The following SDK1 variants were observed in gnomAD, a reference collection of about 807,000 sequenced individuals.
The protein encoded by SDK1 is sidekick cell adhesion molecule 1.
Under a neutral mutation model 245.5 loss-of-function variants are expected in SDK1, and 157 were observed. The observed-to-expected ratio is 0.64, with a 90% CI of 0.56 to 0.73. The LOEUF is 0.73. SDK1 is among the 30% of genes least tolerant of loss of function. The pLI, the probability that SDK1 is intolerant of heterozygous loss-of-function variation, is 0.00. For synonymous variants in SDK1, 1,647 were observed against 1,278.5 expected, an observed-to-expected ratio of 1.29 and a Z score of -6.15; for missense variants, 3,583 against 3,002.3, an observed-to-expected ratio of 1.19 and a Z score of -4.52.
At chr7:3,748,148 A>C (rs955362203) in intron 4 of SDK1, among the ~76,000 whole-genome samples, 2 of 152,180 alleles carry the variant, frequency 1.3e-5, no homozygotes, top group South Asian at 4.1e-4. Flanking sequence ...TATAATATTA[A>C]ACGTTGAAAG....
intron 5 of SDK1, among the ~76,000 whole-genome samples, chr7:3,853,393 G>T (rs886638157): frequency 1.3e-5 from 2 of 151,960 alleles, no homozygotes; most frequent in African/African-American, 4.8e-5. Context: ...TCTGGCCTGT[G>T]TTTTAAAATT....
At chr7:3,604,921 C>A (rs1781373703) in intron 1 of SDK1, among the ~76,000 whole-genome samples, 1 of 151,932 alleles carries the variant, frequency 6.6e-6, no homozygotes, top group Non-Finnish European at 1.5e-5. Context: ...TTTTCTCTGA[C>A]TTGTTTATTT....
intron 4 of SDK1, among the ~76,000 whole-genome samples, chr7:3,679,549 A>G (rs1055042950): frequency 2.0e-5 from 3 of 152,126 alleles, no homozygotes; most frequent in African/African-American, 7.2e-5. Flanking sequence ...CCTGGGCGAC[A>G]GAGCGAGACT....
rs11976644 is a variant in SDK1 at position 3,548,582 on chromosome 7, T to A, written c.299-70498T>A. On this transcript the variant is annotated intron_variant, in intron 1 of 44. Transcript: ENST00000404826. ...TAAGTGGATACATGATTATTTTCTT[T>A]TTAACACATTCCTGGAAATGAAATA... Among the ~76,000 whole-genome samples, 980 of 152,348 alleles carry A rather than the reference T, an allele frequency of 6.4e-3. 11 individuals are homozygous for A. The highest frequency in any genetic ancestry group is 0.022 in the African/African-American group (925 of 41,588).
At chr7:3,780,878 G>C (rs1780711268) in intron 4 of SDK1, among the ~76,000 whole-genome samples, 1 of 152,230 alleles carries the variant, frequency 6.6e-6, no homozygotes, top group East Asian at 1.9e-4. Context: ...CAGCTCCACA[G>C]ATTTCAGAGA....
chr7:3,945,399 A>G (rs558461115), intron 5 of SDK1, among the ~76,000 whole-genome samples: 1 of 152,356 alleles, frequency 6.6e-6, no homozygotes, highest in East Asian at 1.9e-4. Context: ...GGTATATCAA[A>G]TTAACAAAGA....
At chr7:3,316,456 A>G (rs988375899) in intron 1 of SDK1, among the ~76,000 whole-genome samples, 2 of 152,186 alleles carry the variant, frequency 1.3e-5, no homozygotes, top group Non-Finnish European at 2.9e-5. Context: ...GATGTCTGTG[A>G]TGTTCGCACA....
chr7:3,996,819 C>T (rs191029642), intron 14 of SDK1, among the ~76,000 whole-genome samples: 22 of 151,762 alleles, frequency 1.4e-4, no homozygotes, highest in Admixed American at 1.0e-3. Flanking sequence ...TTTGTTTTTC[C>T]TATCTTGCTG....
At chr7:3,759,057 G>C (rs894187858) in intron 4 of SDK1, among the ~76,000 whole-genome samples, 2 of 152,182 alleles carry the variant, frequency 1.3e-5, no homozygotes, top group South Asian at 2.1e-4. Context: ...TTCAATGGTA[G>C]CATTTGTGTA....
intron 35 of SDK1, among the ~76,000 whole-genome samples, chr7:4,203,764 C>T (rs1784031368): frequency 6.6e-6 from 1 of 152,236 alleles, no homozygotes; most frequent in Admixed American, 6.5e-5. Flanking sequence ...AAGAAGTCTC[C>T]AAACCGACAC....
At chr7:3,502,425 T>G (rs1431408126) in intron 1 of SDK1, among the ~76,000 whole-genome samples, 1 of 152,066 alleles carries the variant, frequency 6.6e-6, no homozygotes, top group African/African-American at 2.4e-5. Flanking sequence ...AATTTTTGTA[T>G]TTTTTGTAGA....
rs560104208 is a variant in SDK1 at position 3,381,663 on chromosome 7, G to T, written c.298+79779G>T. On this transcript the variant is annotated intron_variant, in intron 1 of 44. Coordinates refer to ENST00000404826, the MANE Select transcript of SDK1 (RefSeq NM_152744.4). Reference sequence around the variant, plus strand: ...AGGATTGTATTTTCCAACGGAGGTGGAAGGGGTTGAGATCCACAGCCCAGG... The same window carrying T: ...AGGATTGTATTTTCCAACGGAGGTGTAAGGGGTTGAGATCCACAGCCCAGG... Among the ~76,000 whole-genome samples the T allele has an allele frequency of 2.0e-5, 3 of 152,300 alleles. No homozygotes were observed. In the South Asian group the frequency reaches 6.2e-4, roughly 32 times the overall value.
chr7:3,833,158 A>G (rs1002627933), intron 5 of SDK1, among the ~76,000 whole-genome samples: 4 of 152,146 alleles, frequency 2.6e-5, no homozygotes, highest in African/African-American at 9.7e-5. Context: ...GCGGAACTCT[A>G]GAGAAGCTCT....
At chr7:3,523,167 C>T (rs1252400087) in intron 1 of SDK1, among the ~76,000 whole-genome samples, 1 of 152,168 alleles carries the variant, frequency 6.6e-6, no homozygotes, top group Non-Finnish European at 1.5e-5. Context: ...AGCAAAATCT[C>T]ATGATAAACA....
chr7:3,439,560 G>C (rs569117611), intron 1 of SDK1, among the ~76,000 whole-genome samples: 22 of 152,304 alleles, frequency 1.4e-4, no homozygotes, highest in Admixed American at 1.3e-3. Context: ...ATCTGTAAGG[G>C]AATGCCTCTG....
At chr7:4,016,284 G>C (rs1286859369) in intron 16 of SDK1, among the ~76,000 whole-genome samples, 1 of 152,198 alleles carries the variant, frequency 6.6e-6, no homozygotes, top group Non-Finnish European at 1.5e-5. Context: ...GCCACTTCTG[G>C]GATAGAAATT....
At chr7:3,957,689 A>G (rs975629705) in intron 7 of SDK1, among the ~76,000 whole-genome samples, 2 of 152,228 alleles carry the variant, frequency 1.3e-5, no homozygotes, top group Non-Finnish European at 2.9e-5. Flanking sequence ...TGGAATATAA[A>G]TAATACTGCC....
intron 17 of SDK1, among the ~76,000 whole-genome samples, chr7:4,045,278 CTG>C (rs200954718): frequency 0.025 from 3,765 of 149,150 alleles, 63 homozygotes; most frequent in Non-Finnish European, 0.037. Flanking sequence ...GGGTCTCACT[CTG>C]TGCCCAGGCT....
chr7:4,154,292 G>T lies in SDK1; in HGVS notation c.4626-4156G>T, dbSNP rs80145857. Among the ~76,000 whole-genome samples the T allele has an allele frequency of 8.4e-3, 1,284 of 152,266 alleles. 15 individuals are homozygous for T. The highest frequency in any genetic ancestry group is 0.03 in the African/African-American group (1,230 of 41,536). ...CTAAATATATCGGTTATTGATTTGGGGTAAGCAAGAGTTCTGATAGCAAGT... is the reference window on the plus strand; with the variant it reads ...CTAAATATATCGGTTATTGATTTGGTGTAAGCAAGAGTTCTGATAGCAAGT... On this transcript the variant is annotated intron_variant, in intron 30 of 44. Transcript: ENST00000404826.
Sources: gnomAD v4.1 joint callset for allele counts (sites outside exome capture counted in the v4.1 genomes callset) on GRCh38, gnomAD v4.1.1 for gene constraint, MANE v1.5 for transcripts, NCBI Gene and HGNC (gene_info 2026-07-23, HGNC 2026-07-21) for gene names.